The following SAMMSON variants were observed in gnomAD, a reference collection of about 807,000 sequenced individuals.
SAMMSON encodes the protein long intergenic non-protein coding RNA 1212.
At chr3:70,139,924 A>C (rs918672368) in intron 4 of SAMMSON, among the ~76,000 whole-genome samples, 1 of 152,102 alleles carries the variant, frequency 6.6e-6, no homozygotes, top group African/African-American at 2.4e-5. Context: ...TTTCCTTATC[A>C]AATTTGGTCA....
chr3:70,044,669 G>C (rs2067117519), intron 3 of SAMMSON, among the ~76,000 whole-genome samples: 1 of 151,660 alleles, frequency 6.6e-6, no homozygotes, highest in African/African-American at 2.4e-5. Context: ...TCCTATTACT[G>C]TGTAACACAC....
At chr3:70,187,800 T>C (rs1701103248) in intron 4 of SAMMSON, among the ~76,000 whole-genome samples, 2 of 152,212 alleles carry the variant, frequency 1.3e-5, no homozygotes, top group South Asian at 4.2e-4. Context: ...ATTCCCAGCC[T>C]ATGCTTGCTC....
chr3:70,075,156 A>C (rs2067244118), intron 4 of SAMMSON: 2 of 152,052 alleles, frequency 1.3e-5, no homozygotes, highest in African/African-American at 4.8e-5. Context: ...ATAAACATGG[A>C]ATTACGTTGC....
At chr3:70,362,511 C>G (rs1423712165) in intron 9 of SAMMSON, among the ~76,000 whole-genome samples, 1 of 151,360 alleles carries the variant, frequency 6.6e-6, no homozygotes, top group Non-Finnish European at 1.5e-5. Context: ...TCTTGAGAAG[C>G]AGAACAATTT....
chr3:70,137,657 G>T (rs1420830757), intron 4 of SAMMSON: 2 of 152,128 alleles, frequency 1.3e-5, no homozygotes, highest in Non-Finnish European at 2.9e-5. Flanking sequence ...ATGCAAACCA[G>T]AAGTGTAATT....
intron 4 of SAMMSON, among the ~76,000 whole-genome samples, chr3:70,186,399 A>T (rs556780785): frequency 6.6e-6 from 1 of 152,148 alleles, no homozygotes; most frequent in East Asian, 1.9e-4. Flanking sequence ...TTGGGACTAC[A>T]GGTGCATGCC....
chr3:70,395,080 T>C (rs1459745288), intron 2 of SAMMSON, among the ~76,000 whole-genome samples: 1 of 152,172 alleles, frequency 6.6e-6, no homozygotes, highest in Non-Finnish European at 1.5e-5. Context: ...TTGAGAACCA[T>C]CCCCCAACTG....
chr3:70,160,393 G>GT (rs1419462585), intron 4 of SAMMSON, among the ~76,000 whole-genome samples: 6 of 132,962 alleles, frequency 4.5e-5, no homozygotes, highest in Admixed American at 3.9e-4. Context: ...TTTCTTTGCA[G>GT]TTTTTTGCAG....
At chr3:70,195,908 A>C (rs950559108) in intron 4 of SAMMSON, among the ~76,000 whole-genome samples, 9 of 152,202 alleles carry the variant, frequency 5.9e-5, no homozygotes, top group Non-Finnish European at 1.5e-5. Flanking sequence ...TTCTTAAAAA[A>C]ATAAGTAAAA....
intron 7 of SAMMSON, among the ~76,000 whole-genome samples, chr3:70,293,775 A>G (rs1702264250): frequency 6.6e-6 from 1 of 152,060 alleles, no homozygotes; most frequent in South Asian, 2.1e-4. Context: ...AACAATGAGT[A>G]TCTGAACCTT....
intron 4 of SAMMSON, among the ~76,000 whole-genome samples, chr3:70,150,202 C>T (rs1576135970): frequency 6.6e-6 from 1 of 152,114 alleles, no homozygotes; most frequent in Non-Finnish European, 1.5e-5. Flanking sequence ...GACATGTTTC[C>T]TCATCATTTA....
chr3:70,065,647 G>A (rs910092822), intron 3 of SAMMSON, among the ~76,000 whole-genome samples: 8 of 152,022 alleles, frequency 5.3e-5, no homozygotes, highest in South Asian at 2.1e-4. Context: ...ATATGGTACC[G>A]TCTAGAGACA....
intron 4 of SAMMSON, among the ~76,000 whole-genome samples, chr3:70,227,099 C>T: frequency 6.6e-6 from 1 of 152,084 alleles, no homozygotes; most frequent in Non-Finnish European, 1.5e-5. Flanking sequence ...CAAATTATAT[C>T]CAAGTTCCCT....
chr3:70,345,387 C>A (rs1702742771), intron 7 of SAMMSON, among the ~76,000 whole-genome samples: 1 of 152,178 alleles, frequency 6.6e-6, no homozygotes, highest in Non-Finnish European at 1.5e-5. Context: ...TAGATCAGAA[C>A]CTTTCTCTCC....
At chr3:70,251,204 T>G (rs954550196) in intron 6 of SAMMSON, among the ~76,000 whole-genome samples, 3 of 152,282 alleles carry the variant, frequency 2.0e-5, no homozygotes, top group African/African-American at 7.2e-5. Flanking sequence ...ACTCCTCAGG[T>G]TCTGTGGTTA....
At chr3:70,161,886 T>TA (rs1482314194) in intron 4 of SAMMSON, among the ~76,000 whole-genome samples, 2 of 151,662 alleles carry the variant, frequency 1.3e-5, no homozygotes, top group Non-Finnish European at 3.0e-5. Context: ...TAATTCATTT[T>TA]TTTAAGAATT....
chr3:70,145,795 A>G (rs1318527944), intron 4 of SAMMSON, among the ~76,000 whole-genome samples: 1 of 152,020 alleles, frequency 6.6e-6, no homozygotes, highest in African/African-American at 2.4e-5. Flanking sequence ...AGAAACTAGA[A>G]AAAAAGAGAA....
chr3:70,049,145 G>T (rs1325358482), intron 3 of SAMMSON, among the ~76,000 whole-genome samples: 1 of 152,036 alleles, frequency 6.6e-6, no homozygotes, highest in African/African-American at 2.4e-5. Context: ...CCAGGTAGTG[G>T]GTACTGTTAG....
rs374203455 is a variant in SAMMSON, at chr3:70,279,902, A to G, written n.675-11277A>G. Among the ~76,000 whole-genome samples the G allele has an allele frequency of 3.6e-3, 544 of 152,326 alleles. 3 individuals carry two copies. Among genetic ancestry groups the G allele is most frequent in the African/African-American group, 0.013 (526 of 41,570 alleles). The stretch of plus-strand genomic sequence containing the variant: ...GGTTCTTTGTCAAATGGTGGCCAGA[A>G]GAGAAAGACATCATATTGCTTGAGA... On this transcript the variant is annotated intron_variant and non_coding_transcript_variant, in intron 6 of 9. Coordinates refer to ENST00000642114, the Ensembl canonical transcript of SAMMSON.
Sources: allele counts gnomAD v4.1 joint callset (sites outside exome capture counted in the v4.1 genomes callset), GRCh38; gene constraint gnomAD v4.1.1; transcripts MANE v1.5; gene names NCBI Gene and HGNC (gene_info 2026-07-23, HGNC 2026-07-21).